SLCO1B3: variants seen among roughly 807,000 people sequenced by gnomAD.
SLCO1B3 encodes solute carrier organic anion transporter family member 1B3, also known as liver-specific organic anion transporter 2.
A neutral mutation model predicts 71.8 loss-of-function variants in SLCO1B3; 72 were observed. The observed-to-expected ratio is 1.00, with a 90% CI of 0.83 to 1.22. The LOEUF (loss-of-function observed/expected upper bound fraction) is 1.22. SLCO1B3 is among the 50% of genes most tolerant of loss of function. SLCO1B3 has a pLI of 0.00. For synonymous variants in SLCO1B3, 298 were observed against 278.4 expected (o/e 1.07, Z -0.70); for missense variants, 911 against 819.7 (o/e 1.11, Z -1.36).
Position 20,861,138 on chromosome 12 carries a change from G to C in SLCO1B3, c.481G>C (p.Asp161His), listed in dbSNP as rs778780143. 1 of 1,574,516 alleles carries C rather than the reference G, an allele frequency of 6.4e-7. No individual in the cohort carries two copies. Among genetic ancestry groups the C allele is most frequent in the Non-Finnish European group, 8.6e-7 (1 of 1,162,462 alleles). Reference sequence around the variant, plus strand: ...AACATCACCTGAGATAGTAGAAAAAGGTAAGAATTAATAGTGACAGTAAAA... The same window carrying C: ...AACATCACCTGAGATAGTAGAAAAACGTAAGAATTAATAGTGACAGTAAAA... Reference protein sequence around the residue: ...NGTSPEIVEKDCVKESGSHMW... With the variant: ...NGTSPEIVEKHCVKESGSHMW... Residue 161 changes from aspartate to histidine, a missense_variant and splice_region_variant, in exon 6 of 16, where the codon GAT (aspartate) becomes CAT (histidine). Transcript: ENST00000381545.
At chr12:20,872,597 A>C (rs117428098) in intron 8 of SLCO1B3, among the ~76,000 whole-genome samples, 2 of 151,876 alleles carry the variant, frequency 1.3e-5, no homozygotes, top group African/African-American at 4.8e-5. Flanking sequence ...ACTTTGCATT[A>C]CTTTGGTACC....
intron 14 of SLCO1B3, among the ~76,000 whole-genome samples, chr12:20,900,709 A>T (rs1392756987): frequency 6.6e-6 from 1 of 152,148 alleles, no homozygotes; most frequent in East Asian, 1.9e-4. Context: ...CATGAAATCA[A>T]TGGAGAGAAA....
rs1864119137 is a variant in SLCO1B3 at position 20,812,059 on chromosome 12, C to A, written c.-181+1295C>A. 3.3e-5 allele frequency among the ~76,000 whole-genome samples: 5 copies of A among 151,948 alleles called. No homozygotes were observed. The South Asian group carries it at 1.0e-3, about 32-fold the overall frequency. Reference sequence around the variant, plus strand: ...AGTAGCTGAGATTACAGGCATGTACCACCACACCCAGCTAATTTTGTATTT... The same window carrying A: ...AGTAGCTGAGATTACAGGCATGTACAACCACACCCAGCTAATTTTGTATTT... On this transcript the variant is annotated intron_variant, in intron 1 of 15. Transcript: ENST00000381545.
intron 10 of SLCO1B3, among the ~76,000 whole-genome samples, chr12:20,879,182 A>G (rs1591777064): frequency 7.7e-6 from 1 of 129,530 alleles, no homozygotes. Context: ...CCTTACCTCC[A>G]CCCTAGTGTG....
At chr12:20,901,951 CAA>C (rs780830540) in intron 15 of SLCO1B3, 222 of 423,100 alleles carry the variant, frequency 5.2e-4, no homozygotes, top group Non-Finnish European at 4.9e-4. Flanking sequence ...CTGGAAGAAA[CAA>C]AAAGCTGCTG....
intron 10 of SLCO1B3, among the ~76,000 whole-genome samples, chr12:20,878,411 A>T (rs1865626772): frequency 6.6e-6 from 1 of 152,128 alleles, no homozygotes; most frequent in Non-Finnish European, 1.5e-5. Flanking sequence ...TTCAAAACAA[A>T]TGTCATATTT....
intron 4 of SLCO1B3, among the ~76,000 whole-genome samples, chr12:20,856,653 G>C (rs150799544): frequency 1.6e-4 from 25 of 152,234 alleles, no homozygotes; most frequent in African/African-American, 5.5e-4. Flanking sequence ...TCCACCTCCT[G>C]GGTTTAAGCA....
intron 3 of SLCO1B3, among the ~76,000 whole-genome samples, chr12:20,831,756 A>G (rs1199244218): frequency 1.3e-5 from 2 of 149,642 alleles, no homozygotes; most frequent in Non-Finnish European, 3.0e-5. Context: ...GTATGCGCAC[A>G]TACAGACAGA....
Position 20,879,553 on chromosome 12 carries a change from C to T in SLCO1B3, c.1253C>T (p.Ser418Phe). 2 of 1,612,558 alleles carry T rather than the reference C, an allele frequency of 1.2e-6. No individual in the cohort carries two copies. Among genetic ancestry groups the T allele is most frequent in the Non-Finnish European group, 1.7e-6 (2 of 1,179,110 alleles). Residue 418 changes from serine to phenylalanine, a missense_variant, in exon 11 of 16, where the codon TCC (serine) becomes TTC (phenylalanine). Physicochemically the swap from Ser to Phe is radical, Grantham distance 155. Transcript: ENST00000381545. ...TTTTCATTTCTTACTTCGATGATAT[C>T]CTTCTTGTTTCAACTTCTATATTTC... Reference protein sequence around the residue: ...AKFSFLTSMISFLFQLLYFPL... With the variant: ...AKFSFLTSMIFFLFQLLYFPL...
rs371768610 is a variant in SLCO1B3, at chr12:20,879,418, C to G, written c.1136-18C>G. On this transcript the variant is annotated intron_variant, in intron 10 of 15. Transcript: ENST00000381545. The stretch of plus-strand genomic sequence containing the variant: ...ATATTTGTATAATTATAGCTTTTTT[C>G]TCTTCTTTTATTTCTAGGAATCATA... 165 of 1,527,314 alleles carry G rather than the reference C, an allele frequency of 1.1e-4. No individual in the cohort carries two copies. Among genetic ancestry groups the G allele is most frequent in the Non-Finnish European group, 1.4e-4 (159 of 1,118,634 alleles). 94.6% of individuals were successfully genotyped at this position (1,527,314 alleles called of 1,614,324 possible).
At chr12:20,896,151 G>C (rs1295974796) in intron 13 of SLCO1B3, among the ~76,000 whole-genome samples, 1 of 152,188 alleles carries the variant, frequency 6.6e-6, no homozygotes, top group Non-Finnish European at 1.5e-5. Flanking sequence ...GGGCTACCAT[G>C]AAGACTTCTC....
At chr12:20,915,557 TA>T (rs1169803136) in intron 15 of SLCO1B3, among the ~76,000 whole-genome samples, 1 of 152,182 alleles carries the variant, frequency 6.6e-6, no homozygotes, top group African/African-American at 2.4e-5. Flanking sequence ...ATGTATTGGG[TA>T]AAAGGAATTG....
At chr12:20,895,038 A>G (rs1338686947) in intron 13 of SLCO1B3, among the ~76,000 whole-genome samples, 2 of 152,154 alleles carry the variant, frequency 1.3e-5, no homozygotes, top group Admixed American at 6.5e-5. Context: ...ATCAAACCTC[A>G]TGAGACTTAT....
chr12:20,846,015 G>A (rs961720209), intron 3 of SLCO1B3, among the ~76,000 whole-genome samples: 12 of 149,886 alleles, frequency 8.0e-5, no homozygotes, highest in Admixed American at 1.3e-4. Context: ...TGTGGAAATC[G>A]AAATCAAAAA....
At chr12:20,850,446 A>AT (rs1323307640) in intron 3 of SLCO1B3, among the ~76,000 whole-genome samples, 82 of 150,256 alleles carry the variant, frequency 5.5e-4, no homozygotes, top group Non-Finnish European at 2.2e-4. Context: ...CTCCCGGCTA[A>AT]TTTTTTTTTG....
intron 3 of SLCO1B3, among the ~76,000 whole-genome samples, chr12:20,827,912 A>G (rs942193033): frequency 6.6e-6 from 1 of 152,200 alleles, no homozygotes; most frequent in Non-Finnish European, 1.5e-5. Flanking sequence ...CTAAATTTGC[A>G]TACTAAAGGA....
chr12:20,901,009 A>G (rs965112965), intron 14 of SLCO1B3, among the ~76,000 whole-genome samples: 7 of 152,196 alleles, frequency 4.6e-5, no homozygotes, highest in Admixed American at 2.6e-4. Flanking sequence ...ATGAACCAAC[A>G]TAACTTTCAT....
chr12:20,860,177 G>T (rs146291727), intron 5 of SLCO1B3, among the ~76,000 whole-genome samples: 3,099 of 152,032 alleles, frequency 0.02, 109 homozygotes, highest in African/African-American at 0.07. Context: ...GGGTGGTCTG[G>T]ATCTCCTGAC....
intron 3 of SLCO1B3, among the ~76,000 whole-genome samples, chr12:20,828,645 A>C (rs1015043252): frequency 4.0e-5 from 6 of 150,528 alleles, no homozygotes; most frequent in Admixed American, 3.3e-4. Flanking sequence ...ACACACACAC[A>C]TACACACACA....
Sources: gnomAD v4.1 joint callset for allele counts (sites outside exome capture counted in the v4.1 genomes callset) on GRCh38, gnomAD v4.1.1 for gene constraint, MANE v1.5 for transcripts, NCBI Gene and HGNC (gene_info 2026-07-23, HGNC 2026-07-21) for gene names.